Variants in VAT1L observed in about 807,000 individuals in gnomAD.
VAT1L encodes vesicle amine transport 1 like, also known as putative NADPH-dependent quinone oxidoreductase VAT1L.
A neutral mutation model predicts 44.1 loss-of-function variants in VAT1L; 34 were observed. The ratio of observed to expected loss-of-function variants is 0.77; its 90% confidence interval spans 0.59 to 1.03. VAT1L has a LOEUF of 1.03. VAT1L is among the 50% of genes least tolerant of loss of function. The pLI, the probability that VAT1L is intolerant of heterozygous loss-of-function variation, is 0.00. For missense variants in VAT1L, 615 were observed against 538.8 expected (o/e 1.14, Z -1.40); for synonymous variants, 253 against 202.2 (o/e 1.25, Z -2.13).
intron 7 of VAT1L, among the ~76,000 whole-genome samples, chr16:77,940,397 G>T (rs1597110498): frequency 1.8e-5 from 2 of 112,340 alleles, no homozygotes; most frequent in Admixed American, 1.3e-4. Flanking sequence ...AGGTTGAATT[G>T]CAGCGGCACA....
intron 7 of VAT1L, among the ~76,000 whole-genome samples, chr16:77,964,324 G>C (rs1481425156): frequency 1.3e-5 from 2 of 152,134 alleles, no homozygotes; most frequent in East Asian, 3.9e-4. Flanking sequence ...AAAAATCAAG[G>C]TGTCAGCAGG....
At chr16:77,871,722 A>C (rs997140777) in intron 4 of VAT1L, among the ~76,000 whole-genome samples, 1 of 152,188 alleles carries the variant, frequency 6.6e-6, no homozygotes, top group Non-Finnish European at 1.5e-5. Context: ...CCTGGATAAC[A>C]GAGCAAGACC....
intron 8 of VAT1L, among the ~76,000 whole-genome samples, chr16:77,976,535 G>A (rs887570490): frequency 2.6e-5 from 4 of 152,236 alleles, no homozygotes; most frequent in East Asian, 1.9e-4. Context: ...GTCAGAATAA[G>A]CCATGAAGCA....
chr16:77,816,879 T>C (rs775615954), intron 1 of VAT1L, 42 bp from the exon 2 acceptor site: 1 of 1,547,816 alleles, frequency 6.5e-7, no homozygotes, highest in Non-Finnish European at 8.7e-7. Flanking sequence ...TTCTTTTGGA[T>C]CTCATTTTGA....
intron 1 of VAT1L, among the ~76,000 whole-genome samples, chr16:77,811,236 A>G (rs2016259238): frequency 1.3e-5 from 2 of 152,174 alleles, no homozygotes; most frequent in Admixed American, 6.5e-5. Context: ...TCACCAGGAG[A>G]GTAGAAGACA....
chr16:77,825,455 G>C lies in VAT1L; in HGVS notation c.573G>C (p.Gly191=). Residue 191 remains glycine, a synonymous_variant, in exon 3 of 9, where the codon GGG becomes GGC. Transcript: ENST00000302536. ...CTGTGCTCGTGCACTCAGCTGGTGG[G>C]GGCGTGGTAAGTCAGCTGTTTGTAA... The part of the protein sequence containing the change: ...GMSVLVHSAG[G]GVGQAVAQLC... The C allele has an allele frequency of 6.3e-7, 1 of 1,583,400 alleles. No individual in the cohort carries two copies. The highest frequency in any genetic ancestry group is 1.1e-5 in the South Asian group (1 of 87,702).
chr16:77,964,854 C>T (rs1407933765), intron 7 of VAT1L, among the ~76,000 whole-genome samples: 5 of 139,382 alleles, frequency 3.6e-5, no homozygotes, highest in East Asian at 4.5e-4. Context: ...AGTGCAATGA[C>T]GTAATCTCAG....
chr16:77,795,276 G>GA (rs1491459631), intron 1 of VAT1L, among the ~76,000 whole-genome samples: 6 of 16,942 alleles, frequency 3.5e-4, no homozygotes, highest in African/African-American at 1.0e-3. Flanking sequence ...AGAATTTACA[G>GA]TGGGGGCGGG....
At chr16:77,975,700 T>C (rs2043896708) in intron 8 of VAT1L, among the ~76,000 whole-genome samples, 1 of 152,228 alleles carries the variant, frequency 6.6e-6, no homozygotes, top group Admixed American at 6.5e-5. Flanking sequence ...TCTCTCCTGC[T>C]GAAAGCCTCC....
chr16:77,963,238 G>T (rs72796781), intron 7 of VAT1L, among the ~76,000 whole-genome samples: 1 of 152,230 alleles, frequency 6.6e-6, no homozygotes, highest in African/African-American at 2.4e-5. Context: ...GGACTTTGCC[G>T]ATGAGATTAA....
In VAT1L at chr16:77,890,733, A is replaced by G. The variant is rs529595665; in HGVS notation, c.1077+5931A>G. On this transcript the variant is annotated intron_variant, in intron 7 of 8. Transcript: ENST00000302536. Reference sequence around the variant, plus strand: ...AGCCCAGGAGTTCAAGACCAGCCTGAGCAACATGGTGATACCCCATCTCTA... The same window carrying G: ...AGCCCAGGAGTTCAAGACCAGCCTGGGCAACATGGTGATACCCCATCTCTA... 6.4e-4 allele frequency among the ~76,000 whole-genome samples: 96 copies of G among 151,094 alleles called. 2 individuals are homozygous for G. The South Asian group carries it at 0.016, about 25-fold the overall frequency.
chr16:77,825,446 A>G lies in VAT1L; in HGVS notation c.564A>G (p.Ser188=). 2 of 1,593,700 alleles carry G rather than the reference A, an allele frequency of 1.3e-6. No individual in the cohort carries two copies. Among genetic ancestry groups the G allele is most frequent in the Non-Finnish European group, 1.7e-6 (2 of 1,168,912 alleles). Residue 188 remains serine, a synonymous_variant, in exon 3 of 9, where the codon TCA becomes TCG. Coordinates refer to ENST00000302536, the MANE Select transcript of VAT1L (RefSeq NM_020927.3). ...AAGGGATGTCTGTGCTCGTGCACTC[A>G]GCTGGTGGGGGCGTGGTAAGTCAGC... ...LREGMSVLVH[S]AGGGVGQAVA...
At chr16:77,897,624 C>T (rs532820441) in intron 7 of VAT1L, among the ~76,000 whole-genome samples, 10 of 152,268 alleles carry the variant, frequency 6.6e-5, no homozygotes, top group Admixed American at 5.9e-4. Context: ...GCGACGCCAG[C>T]CACCATGCCC....
chr16:77,964,393 C>T (rs1032121419), intron 7 of VAT1L, among the ~76,000 whole-genome samples: 1 of 152,112 alleles, frequency 6.6e-6, no homozygotes. Flanking sequence ...CTTTAGCTTC[C>T]AGAGGCCACG....
intron 8 of VAT1L, among the ~76,000 whole-genome samples, chr16:77,976,688 T>C (rs2018344334): frequency 6.6e-6 from 1 of 152,178 alleles, no homozygotes; most frequent in Admixed American, 6.5e-5. Flanking sequence ...TGCTCAGCCC[T>C]TTGCTAGACT....
At chr16:77,927,525 C>T (rs1286810723) in intron 7 of VAT1L, among the ~76,000 whole-genome samples, 1 of 152,006 alleles carries the variant, frequency 6.6e-6, no homozygotes, top group Non-Finnish European at 1.5e-5. Context: ...CTATGGCCAC[C>T]CTAGGTACAC....
chr16:77,789,347 C>T (rs1041012175), intron 1 of VAT1L, among the ~76,000 whole-genome samples: 3 of 152,180 alleles, frequency 2.0e-5, no homozygotes, highest in Non-Finnish European at 4.4e-5. Flanking sequence ...TTAATACTTC[C>T]TGGGACCTAA....
chr16:77,902,729 G>GGGA, intron 7 of VAT1L, among the ~76,000 whole-genome samples: 1 of 48,090 alleles, frequency 2.1e-5, no homozygotes, highest in African/African-American at 7.8e-5. Context: ...GCCGATGGGG[G>GGGA]GGTGGGGGGG....
Position 77,819,559 on chromosome 16 carries a change from T to A in VAT1L, c.363+2509T>A, listed in dbSNP as rs199742702. 3.9e-5 allele frequency among the ~76,000 whole-genome samples: 6 copies of A among 152,154 alleles called. No homozygotes were observed. The East Asian group carries it at 1.2e-3, about 29-fold the overall frequency. ...ACCACACCTGGCTAATTTTTTGTATTTTTAGTAAAGACAGGGTTTCACCGT... is the reference window on the plus strand; with the variant it reads ...ACCACACCTGGCTAATTTTTTGTATATTTAGTAAAGACAGGGTTTCACCGT... On this transcript the variant is annotated intron_variant, in intron 2 of 8. Coordinates refer to ENST00000302536, the MANE Select transcript of VAT1L (RefSeq NM_020927.3).
Sources: gnomAD v4.1 joint callset for allele counts (sites outside exome capture counted in the v4.1 genomes callset) on GRCh38, gnomAD v4.1.1 for gene constraint, MANE v1.5 for transcripts, NCBI Gene and HGNC (gene_info 2026-07-23, HGNC 2026-07-21) for gene names.